GSN: variants seen among roughly 807,000 people sequenced by gnomAD.
GSN encodes gelsolin.
Under a neutral mutation model 85.7 loss-of-function variants are expected in GSN, and 56 were observed. The ratio of observed to expected loss-of-function variants is 0.65; its 90% CI spans 0.53 to 0.82. The LOEUF (loss-of-function observed/expected upper bound fraction) is 0.82. Among genes scored for constraint, GSN ranks in the 40% least tolerant of loss-of-function variants. The pLI is 0.00. For missense variants in GSN, 857 were observed against 979.8 expected, an observed-to-expected ratio of 0.87 and a Z score of 1.67; for synonymous variants, 373 against 399.1, an observed-to-expected ratio of 0.93 and a Z score of 0.78.
At chr9:121,288,080 T>C (rs2058330719) in intron 2 of GSN, among the ~76,000 whole-genome samples, 9 of 152,034 alleles carry the variant, frequency 5.9e-5, no homozygotes, top group African/African-American at 2.2e-4. Context: ...GCACACACCA[T>C]CATGCCTGGC....
upstream of GSN, among the ~76,000 whole-genome samples, chr9:121,263,251 T>G (rs553069988): frequency 1.1e-4 from 16 of 152,234 alleles, no homozygotes; most frequent in African/African-American, 3.4e-4. Flanking sequence ...GAGTGTGGAG[T>G]TGCGAGTAGA....
intron 2 of GSN, among the ~76,000 whole-genome samples, chr9:121,287,888 C>A (rs2058309664): frequency 6.6e-6 from 1 of 152,230 alleles, no homozygotes; most frequent in Admixed American, 6.5e-5. Flanking sequence ...TTGCTTACGT[C>A]CATCTCTATG....
At chr9:121,309,359 T>TA (rs2060810007) in intron 4 of GSN, 1 of 152,026 alleles carries the variant, frequency 6.6e-6, no homozygotes, top group Non-Finnish European at 1.5e-5. Flanking sequence ...CAGTAATGAT[T>TA]ACAGAGGGCT....
chr9:121,313,807 G>A, intron 6 of GSN, 127 bp from the exon 7 acceptor site: 1 of 768,874 alleles, frequency 1.3e-6, no homozygotes, highest in Non-Finnish European at 2.3e-6. Context: ...GTGTCTGGAG[G>A]AGGTCAGACT....
At chr9:121,276,418 A>G (rs1169619499) in intron 1 of GSN, among the ~76,000 whole-genome samples, 1 of 152,222 alleles carries the variant, frequency 6.6e-6, no homozygotes, top group Non-Finnish European at 1.5e-5. Context: ...AAGGGGATGC[A>G]TGGCTAGAGC....
chr9:121,291,609 G>A (rs577464705), intron 2 of GSN, among the ~76,000 whole-genome samples: 26 of 151,920 alleles, frequency 1.7e-4, no homozygotes, highest in African/African-American at 4.3e-4. Flanking sequence ...TAGTAGAGAT[G>A]GGGTTTCACC....
chr9:121,213,737 C>G (rs1191607119), intron 4 of GSN, among the ~76,000 whole-genome samples: 1 of 152,130 alleles, frequency 6.6e-6, no homozygotes, highest in Admixed American at 6.5e-5. Flanking sequence ...CCTTAGAGCC[C>G]CCACATGTCA....
In GSN at chr9:121,223,268, G is replaced by C. The variant is rs149921906; in HGVS notation, c.-527-7897G>C. Among the ~76,000 whole-genome samples, 193 of 152,280 alleles carry C rather than the reference G, an allele frequency of 1.3e-3. 1 individual carries two copies. The highest frequency in any genetic ancestry group is 4.4e-3 in the African/African-American group (183 of 41,546). ...GACCAATTCTCATTTTAGAGAGATA[G>C]TATAATAACCACCTGATGATCACCT... is the stretch of plus-strand genomic sequence containing the variant. On this transcript the variant is annotated intron_variant, in intron 4 of 24. Transcript: ENST00000373823.
rs117831072 is a variant in GSN at position 121,238,466 on chromosome 9, G to A, written c.-389+7163G>A. On this transcript the variant is annotated intron_variant, in intron 5 of 24. Transcript: ENST00000373823. ...TCAGCTTTGGGACTCTTGGTCCTTC[G>A]ACCACAGACTAAAAGCTTCACTGTC... Among the ~76,000 whole-genome samples, 224 of 152,200 alleles carry A rather than the reference G, an allele frequency of 1.5e-3. 1 individual carries two copies. Among genetic ancestry groups the A allele is most frequent in the Middle Eastern group, 0.014 (4 of 294 alleles).
intron 6 of GSN, among the ~76,000 whole-genome samples, chr9:121,253,664 A>G (rs1011667655): frequency 3.3e-5 from 5 of 152,228 alleles, no homozygotes; most frequent in Non-Finnish European, 4.4e-5. Context: ...ACAGTGAAAC[A>G]AAGTGTGTAG....
At chr9:121,331,708 A>G in intron 17 of GSN, 2 of 403,190 alleles carry the variant, frequency 5.0e-6, no homozygotes, top group South Asian at 8.6e-5. Context: ...ACAGATGAGA[A>G]GTCACTTCAA....
chr9:121,325,972 G>A (rs1474368993), intron 12 of GSN, among the ~76,000 whole-genome samples: 7 of 151,830 alleles, frequency 4.6e-5, no homozygotes, highest in Admixed American at 2.0e-4. Flanking sequence ...ATAGTTAGCC[G>A]GGGCCACGGT....
At position 121,318,576 on chromosome 9, in the gene GSN, C is replaced by T. The variant is rs1308959140; in HGVS notation, c.975+82C>T. 4.8e-6 allele frequency: 7 copies of T among 1,463,696 alleles called. No homozygotes were observed. The highest frequency in any genetic ancestry group is 4.2e-5 in the African/African-American group (3 of 72,102). The allele number at this position is 1,463,696 out of a possible 1,614,324, so 90.7% of individuals were successfully genotyped here. On this transcript the variant is annotated intron_variant, in intron 9 of 17. Coordinates refer to ENST00000432226, the MANE Select transcript of GSN (RefSeq NM_198252.3). This position sits in a 1 kb window ranked among gnomAD's most constrained non-coding sequence, Gnocchi z 4.3. ...GGCTGGAGTAGGGCGGGTGTCCCAC[C>T]CTCAGTGTGGATGGGGTATCTGAGG...
intron 6 of GSN, among the ~76,000 whole-genome samples, chr9:121,262,134 A>T (rs1162331497): frequency 1.3e-5 from 2 of 152,234 alleles, no homozygotes; most frequent in Non-Finnish European, 2.9e-5. Context: ...GTGTACAGAG[A>T]GGGGCCTAAC....
At chr9:121,302,249 A>T in intron 3 of GSN, 82 bp downstream of exon 3, 2 of 1,466,080 alleles carry the variant, frequency 1.4e-6, no homozygotes, top group Non-Finnish European at 1.9e-6. Context: ...CCAGGGAGGG[A>T]ACTGATTATT....
At chr9:121,226,630 C>A (rs2054276317) in intron 4 of GSN, among the ~76,000 whole-genome samples, 1 of 152,204 alleles carries the variant, frequency 6.6e-6, no homozygotes, top group African/African-American at 2.4e-5. Context: ...AAAATTCTTA[C>A]AATTTCCTGA....
intron 6 of GSN, among the ~76,000 whole-genome samples, chr9:121,248,789 G>T (rs1036272280): frequency 2.2e-5 from 3 of 136,108 alleles, no homozygotes; most frequent in African/African-American, 7.3e-5. Flanking sequence ...TATTGGTGGG[G>T]TGGGCAGGGG....
upstream of GSN, among the ~76,000 whole-genome samples, chr9:121,206,135 TACC>T (rs1223937517): frequency 6.6e-6 from 1 of 152,176 alleles, no homozygotes; most frequent in Non-Finnish European, 1.5e-5. Flanking sequence ...TAAATTTTAT[TACC>T]ACATGTGTGT....
Position 121,332,719 on chromosome 9 carries a change from T to TGTG in GSN, c.*116_*117insGTG, listed in dbSNP as rs751044080. 5 of 720,936 alleles carry TGTG rather than the reference T, an allele frequency of 6.9e-6. No individual in the cohort carries two copies. The highest frequency in any genetic ancestry group is 3.1e-5 in the Admixed American group (1 of 32,772). The allele number at this position is 720,936 out of a possible 1,614,324, so 44.7% of individuals were successfully genotyped here. ...CTATGAGTGTGTGTGTGTGTGTGTG[T>TGTG]TGTTTCTTTTTTTTTTTTTTACAGT... On this transcript the variant is annotated 3_prime_UTR_variant, in exon 18 of 18. Coordinates refer to ENST00000432226, the MANE Select transcript of GSN (RefSeq NM_198252.3). This position sits in a 1 kb window ranked among gnomAD's most constrained non-coding sequence, Gnocchi z 4.8.
Sources: gnomAD v4.1 joint callset for allele counts (sites outside exome capture counted in the v4.1 genomes callset) on GRCh38, gnomAD v4.1.1 for gene constraint, Gnocchi (gnomAD v3.1) non-coding constraint, MANE v1.5 for transcripts, NCBI Gene and HGNC (gene_info 2026-07-23, HGNC 2026-07-21) for gene names.